The following ODF2 variants were observed in gnomAD, a reference collection of about 807,000 sequenced individuals.
ODF2 encodes the protein outer dense fiber of sperm tails 2, also known as outer dense fiber protein 2.
In ODF2, 47 loss-of-function variants were observed where a neutral mutation model predicts 110.2. The ratio of observed to expected loss-of-function variants is 0.43; its 90% CI spans 0.34 to 0.54. ODF2 has a LOEUF of 0.54. Among genes scored for constraint, ODF2 ranks in the 20% least tolerant of loss-of-function variants. The pLI, the probability that ODF2 is intolerant of heterozygous loss-of-function variation, is 0.03. For synonymous variants in ODF2, 352 were observed against 397.7 expected (o/e 0.89, Z 1.37); for missense variants, 812 against 1,054.5 (o/e 0.77, Z 3.19).
chr9:128,492,198 A>C (rs929512022), intron 14 of ODF2, among the ~76,000 whole-genome samples: 1 of 151,758 alleles, frequency 6.6e-6, no homozygotes, highest in East Asian at 1.9e-4. Flanking sequence ...ATGATTATAT[A>C]TTGCTTTTGG....
intron 1 of ODF2, chr9:128,456,765 G>T (rs1035855855): frequency 1.0e-6 from 1 of 958,272 alleles, no homozygotes; most frequent in Non-Finnish European, 1.2e-6. Context: ...CGGCGGGGGG[G>T]GGTCCCGCCC....
intron 1 of ODF2, chr9:128,456,606 A>G: frequency 6.6e-7 from 1 of 1,520,464 alleles, no homozygotes. Flanking sequence ...CTCCGCCGAC[A>G]GAGGCTCTCC....
At chr9:128,481,502 A>T in intron 8 of ODF2, 78 bp from the exon 9 acceptor site, 56 of 1,113,934 alleles carry the variant, frequency 5.0e-5, no homozygotes, top group Non-Finnish European at 6.6e-5. Flanking sequence ...TTTTTGGAAA[A>T]GGTAAAGAAT....
exon 7 of ODF2, chr9:128,473,041 C>CGGT: frequency 6.2e-7 from 1 of 1,613,924 alleles, no homozygotes. Flanking sequence ...AAGCTGAAAA[C>CGGT]AGTAGGTGGC....
chr9:128,465,215 G>T (rs1258938509), intron 4 of ODF2, among the ~76,000 whole-genome samples: 4 of 152,136 alleles, frequency 2.6e-5, no homozygotes, highest in Non-Finnish European at 5.9e-5. Flanking sequence ...TCTTGTGTCT[G>T]CCCCTTTCCA....
exon 4 of ODF2, chr9:128,461,008 A>C: frequency 6.2e-7 from 1 of 1,614,148 alleles, no homozygotes. Flanking sequence ...GGTGAAAACC[A>C]AGGTACCTTG....
intron 8 of ODF2, among the ~76,000 whole-genome samples, chr9:128,477,905 C>T (rs754009823): frequency 1.4e-4 from 21 of 151,860 alleles, no homozygotes; most frequent in Admixed American, 5.2e-4. Context: ...GGCCACTCAC[C>T]GCCCAGCTTT....
intron 10 of ODF2, 144 bp from the exon 11 acceptor site, chr9:128,483,794 G>A (rs963168136): frequency 1.0e-5 from 7 of 684,482 alleles, no homozygotes; most frequent in Non-Finnish European, 1.9e-5. Flanking sequence ...GCTGAGGCGG[G>A]AGAATCGCTG....
At chr9:128,472,611 G>A (rs759615929) in intron 6 of ODF2, among the ~76,000 whole-genome samples, 2 of 152,196 alleles carry the variant, frequency 1.3e-5, no homozygotes, top group African/African-American at 2.4e-5. Context: ...AAGATGGTGC[G>A]TAGGAGGGCG....
chr9:128,473,184 A>G, intron 7 of ODF2, 142 bp downstream of exon 7: 1 of 1,462,842 alleles, frequency 6.8e-7, no homozygotes, highest in Admixed American at 2.3e-5. Flanking sequence ...CTAGGCCCCC[A>G]CCCACCACTC....
chr9:128,455,232 T>C (rs1834537314), upstream of ODF2: 2 of 1,535,212 alleles, frequency 1.3e-6, no homozygotes, highest in Non-Finnish European at 8.7e-7. Context: ...AGAATAGGTC[T>C]GTACACAGAG....
intron 2 of ODF2, among the ~76,000 whole-genome samples, chr9:128,459,343 T>C (rs1835797793): frequency 1.3e-5 from 2 of 152,184 alleles, no homozygotes; most frequent in African/African-American, 4.8e-5. Flanking sequence ...TGTGACGATA[T>C]GTTAAAAGTC....
intron 4 of ODF2, among the ~76,000 whole-genome samples, chr9:128,462,548 C>T (rs1053635748): frequency 3.3e-5 from 5 of 151,808 alleles, no homozygotes; most frequent in African/African-American, 7.3e-5. Context: ...TGTAATTTTT[C>T]GTCTAGGAAG....
At chr9:128,472,182 A>T (rs963895878) in intron 6 of ODF2, among the ~76,000 whole-genome samples, 1 of 152,120 alleles carries the variant, frequency 6.6e-6, no homozygotes, top group Non-Finnish European at 1.5e-5. Flanking sequence ...CTGGAGGCTG[A>T]GGCAGGAGAA....
intron 3 of ODF2, 49 bp downstream of exon 3, chr9:128,460,715 C>A (rs750828197): frequency 1.2e-5 from 20 of 1,606,356 alleles, no homozygotes; most frequent in Non-Finnish European, 1.5e-5. Flanking sequence ...TCTGGGTGAT[C>A]CTGCTAAGCC....
At chr9:128,472,051 C>T (rs549958728) in intron 6 of ODF2, among the ~76,000 whole-genome samples, 4 of 152,226 alleles carry the variant, frequency 2.6e-5, no homozygotes, top group South Asian at 4.1e-4. Context: ...GGAGCCAAGG[C>T]GGGCAAATCA....
chr9:128,499,855 C>A (rs1846262586), intron 20 of ODF2, among the ~76,000 whole-genome samples: 1 of 152,198 alleles, frequency 6.6e-6, no homozygotes. Flanking sequence ...AGTGATCATT[C>A]CGTCCTGACC....
In ODF2 at chr9:128,494,465, A is replaced by G; in HGVS notation, c.1753-45A>G. On this transcript the variant is annotated intron_variant, in intron 16 of 20. Coordinates refer to ENST00000604420, the Ensembl canonical transcript of ODF2. This position sits in a 1 kb window ranked among gnomAD's most constrained non-coding sequence, Gnocchi z 4.6. Reference sequence around the variant, plus strand: ...CTCCACTAGGAGCCAGGTCTTTCCTAACTGTGGGTCTTTCCTTCCTGTGGG... The same window carrying G: ...CTCCACTAGGAGCCAGGTCTTTCCTGACTGTGGGTCTTTCCTTCCTGTGGG... The G allele has an allele frequency of 6.3e-7, 1 of 1,587,526 alleles. No homozygotes were observed. Among genetic ancestry groups the G allele is most frequent in the Non-Finnish European group, 8.6e-7 (1 of 1,156,370 alleles).
chr9:128,496,213 G>C, intron 18 of ODF2, 72 bp downstream of exon 18: 1 of 1,601,574 alleles, frequency 6.2e-7, no homozygotes, highest in East Asian at 2.2e-5. Context: ...GCTGTTTTTT[G>C]CTTAGTGTGC....
Sources: allele counts gnomAD v4.1 joint callset (sites outside exome capture counted in the v4.1 genomes callset), GRCh38; gene constraint gnomAD v4.1.1; non-coding constraint Gnocchi (gnomAD v3.1); transcripts MANE v1.5; gene names NCBI Gene and HGNC (gene_info 2026-07-23, HGNC 2026-07-21).